The following RERE variants were observed in gnomAD, a reference collection of about 807,000 sequenced individuals.
RERE encodes arginine-glutamic acid dipeptide repeats protein.
RERE carries 40 observed loss-of-function variants against 146.1 expected under a neutral mutation model. That is an observed-to-expected ratio of 0.27 (90% CI 0.21 to 0.36). The LOEUF (loss-of-function observed/expected upper bound fraction) is 0.36, where lower values mean the gene tolerates loss of function less well. RERE is among the 10% of genes least tolerant of loss of function. The pLI is 1.00. For missense variants in RERE, 1,933 were observed against 2,138.7 expected (o/e 0.90, Z 1.90); for synonymous variants, 1,003 against 866.0 (o/e 1.16, Z -2.78).
intron 2 of RERE, among the ~76,000 whole-genome samples, chr1:8,645,726 A>G (rs1465776031): frequency 6.6e-6 from 1 of 152,198 alleles, no homozygotes; most frequent in Admixed American, 6.5e-5. Context: ...AAAATCAAAA[A>G]AGATATGATT....
At chr1:8,471,496 T>C (rs1390282397) in intron 10 of RERE, among the ~76,000 whole-genome samples, 1 of 150,514 alleles carries the variant, frequency 6.6e-6, no homozygotes, top group Non-Finnish European at 1.5e-5. Context: ...AAATAGGGTT[T>C]TGCCATGCTG....
chr1:8,422,696 A>G, intron 12 of RERE, 31 bp downstream of exon 12: 2 of 1,524,244 alleles, frequency 1.3e-6, no homozygotes, highest in Non-Finnish European at 1.8e-6. Flanking sequence ...AGAGGAAAAA[A>G]TCAAGTTACA....
chr1:8,611,133 T>G (rs1289405340), intron 4 of RERE, among the ~76,000 whole-genome samples: 1 of 151,958 alleles, frequency 6.6e-6, no homozygotes, highest in Non-Finnish European at 1.5e-5. Flanking sequence ...AGGCGGAGGT[T>G]GCAGTGAGCT....
intron 1 of RERE, among the ~76,000 whole-genome samples, chr1:8,773,423 G>T (rs1640993902): frequency 6.6e-6 from 1 of 152,196 alleles, no homozygotes; most frequent in Non-Finnish European, 1.5e-5. Flanking sequence ...GCCGGGTACG[G>T]TGGCTCACAC....
intron 11 of RERE, among the ~76,000 whole-genome samples, chr1:8,450,293 G>A (rs1344729325): frequency 1.3e-5 from 2 of 150,782 alleles, no homozygotes; most frequent in African/African-American, 4.9e-5. Context: ...AATGCACTTC[G>A]GCTCCATTTA....
intron 10 of RERE, among the ~76,000 whole-genome samples, chr1:8,480,300 C>T (rs1317328333): frequency 2.6e-5 from 4 of 151,208 alleles, no homozygotes; most frequent in African/African-American, 4.9e-5. Context: ...CCACCACACC[C>T]GACTAATTTT....
At chr1:8,669,354 C>A (rs1638661092) in intron 1 of RERE, among the ~76,000 whole-genome samples, 1 of 152,140 alleles carries the variant, frequency 6.6e-6, no homozygotes, top group South Asian at 2.1e-4. Flanking sequence ...CCCGCCTTGG[C>A]CTCCAAAATG....
intron 1 of RERE, among the ~76,000 whole-genome samples, chr1:8,766,022 AG>A (rs2124538221): frequency 6.6e-6 from 1 of 152,258 alleles, no homozygotes; most frequent in African/African-American, 2.4e-5. Flanking sequence ...CTGAGGCAGG[AG>A]AATCACTTGA....
chr1:8,409,296 T>TC (rs1336873772), intron 12 of RERE, among the ~76,000 whole-genome samples: 1 of 152,214 alleles, frequency 6.6e-6, no homozygotes, highest in Non-Finnish European at 1.5e-5. Context: ...GCCCTTGCTC[T>TC]CCTGTCACCC....
chr1:8,439,688 T>C (rs185802550), intron 11 of RERE, among the ~76,000 whole-genome samples: 25 of 152,318 alleles, frequency 1.6e-4, no homozygotes, highest in African/African-American at 5.8e-4. Context: ...TCCCTGATAC[T>C]TGACTGTAAA....
chr1:8,540,076 ATTAT>A (rs573769260), intron 7 of RERE, among the ~76,000 whole-genome samples: 161 of 151,924 alleles, frequency 1.1e-3, no homozygotes, highest in African/African-American at 3.7e-3. Context: ...AGTATTATTT[ATTAT>A]TTATTTATTT....
chr1:8,499,438 T>A (rs898681831), intron 8 of RERE, among the ~76,000 whole-genome samples: 1 of 152,204 alleles, frequency 6.6e-6, no homozygotes, highest in Non-Finnish European at 1.5e-5. Flanking sequence ...AAGAGTGAAG[T>A]GGACCACGGG....
chr1:8,759,838 TACACACACAC>T (rs369646175), intron 1 of RERE, among the ~76,000 whole-genome samples: 14 of 142,320 alleles, frequency 9.8e-5, no homozygotes, highest in African/African-American at 1.6e-4. Context: ...ACTCTCTCTA[TACACACACAC>T]ACACACACAC....
At chr1:8,746,545 A>C (rs1344593200) in intron 1 of RERE, among the ~76,000 whole-genome samples, 3 of 152,194 alleles carry the variant, frequency 2.0e-5, no homozygotes, top group Admixed American at 2.0e-4. Context: ...AGTGAAAAAC[A>C]AAATGGTTAT....
chr1:8,528,920 T>C (rs1645603516), intron 7 of RERE, among the ~76,000 whole-genome samples: 1 of 152,228 alleles, frequency 6.6e-6, no homozygotes, highest in African/African-American at 2.4e-5. Context: ...GATTGGGTTT[T>C]GATTGTGATC....
chr1:8,615,522 A>T (rs1160079476), intron 3 of RERE, among the ~76,000 whole-genome samples: 1 of 152,228 alleles, frequency 6.6e-6, no homozygotes, highest in Non-Finnish European at 1.5e-5. Flanking sequence ...TTTAGACAGC[A>T]CATAACATTT....
intron 1 of RERE, among the ~76,000 whole-genome samples, chr1:8,709,319 T>C (rs1639621099): frequency 6.6e-6 from 1 of 151,910 alleles, no homozygotes. Context: ...AGGGTCTCAG[T>C]ATGTTGCCCA....
chr1:8,667,382 C>A (rs1638600213), intron 1 of RERE, among the ~76,000 whole-genome samples: 1 of 152,184 alleles, frequency 6.6e-6, no homozygotes, highest in African/African-American at 2.4e-5. Context: ...CTTTAAAAAA[C>A]ACACAAACTC....
At chr1:8,501,138 G>A (rs912175300) in intron 8 of RERE, among the ~76,000 whole-genome samples, 1 of 147,294 alleles carries the variant, frequency 6.8e-6, no homozygotes, top group Non-Finnish European at 1.5e-5. Context: ...CCTCTGCCCG[G>A]CCAGCTGCCC....
Sources: gnomAD v4.1 joint callset for allele counts (sites outside exome capture counted in the v4.1 genomes callset) on GRCh38, gnomAD v4.1.1 for gene constraint, MANE v1.5 for transcripts, NCBI Gene and HGNC (gene_info 2026-07-23, HGNC 2026-07-21) for gene names.